Variants in DLG2 observed in about 807,000 individuals in gnomAD.
DLG2 encodes discs large MAGUK scaffold protein 2, also known as disks large homolog 2.
A neutral mutation model predicts 132.5 loss-of-function variants in DLG2; 45 were observed. That is an observed-to-expected ratio of 0.34 (90% CI 0.27 to 0.44). The LOEUF (loss-of-function observed/expected upper bound fraction) is 0.44. Among genes scored for constraint, DLG2 ranks in the 20% least tolerant of loss-of-function variants. The probability of loss-of-function intolerance (pLI) is 1.00; values close to 1 mark genes in which losing one functional copy is unlikely to be tolerated. For missense variants in DLG2, 1,045 were observed against 1,196.9 expected (o/e 0.87, Z 1.87); for synonymous variants, 424 against 419.6 (o/e 1.01, Z -0.13).
At chr11:84,679,541 AG>A (rs2099723458) in intron 6 of DLG2, among the ~76,000 whole-genome samples, 2 of 152,130 alleles carry the variant, frequency 1.3e-5, no homozygotes, top group African/African-American at 2.4e-5. Flanking sequence ...CATGTGAAGG[AG>A]GGTTACTTCA....
chr11:84,271,053 G>A (rs150216092), intron 7 of DLG2, among the ~76,000 whole-genome samples: 1 of 152,156 alleles, frequency 6.6e-6, no homozygotes, highest in African/African-American at 2.4e-5. Flanking sequence ...CATAAAGCAG[G>A]GAATACATAG....
chr11:83,923,346 T>C (rs1198259832), intron 15 of DLG2, among the ~76,000 whole-genome samples: 1 of 152,126 alleles, frequency 6.6e-6, no homozygotes, highest in Non-Finnish European at 1.5e-5. Flanking sequence ...ACAATTATTC[T>C]TCTCACTTTC....
At chr11:84,296,797 T>G (rs1375894308) in intron 7 of DLG2, among the ~76,000 whole-genome samples, 1 of 152,148 alleles carries the variant, frequency 6.6e-6, no homozygotes, top group Non-Finnish European at 1.5e-5. Flanking sequence ...AGCTAAAATA[T>G]TTTTTCAGTA....
chr11:85,030,130 C>T (rs1189486091), intron 6 of DLG2, among the ~76,000 whole-genome samples: 2 of 152,222 alleles, frequency 1.3e-5, no homozygotes, highest in African/African-American at 4.8e-5. Context: ...CTCAATTAAA[C>T]TCCTTTAAAT....
chr11:84,343,297 T>A (rs2098524145), intron 7 of DLG2, among the ~76,000 whole-genome samples: 1 of 152,218 alleles, frequency 6.6e-6, no homozygotes, highest in Non-Finnish European at 1.5e-5. Context: ...TAATTATTTA[T>A]GATTGCTATT....
chr11:83,478,613 A>C (rs957231112), intron 22 of DLG2, among the ~76,000 whole-genome samples: 4 of 152,050 alleles, frequency 2.6e-5, no homozygotes, highest in African/African-American at 9.7e-5. Context: ...GAAACAGAGA[A>C]GAGAAGCCTT....
At chr11:84,175,322 T>G (rs1239855643) in intron 8 of DLG2, among the ~76,000 whole-genome samples, 2 of 152,126 alleles carry the variant, frequency 1.3e-5, no homozygotes, top group Non-Finnish European at 2.9e-5. Context: ...AATTTGTGTT[T>G]CTTTTATGGC....
chr11:85,508,708 C>G (rs1048210380), intron 3 of DLG2, among the ~76,000 whole-genome samples: 1 of 151,990 alleles, frequency 6.6e-6, no homozygotes, highest in Non-Finnish European at 1.5e-5. Context: ...AAAGTGTTAA[C>G]AGTAGAGGGT....
intron 7 of DLG2, among the ~76,000 whole-genome samples, chr11:84,459,136 T>C (rs2099073505): frequency 6.6e-6 from 1 of 150,650 alleles, no homozygotes; most frequent in Admixed American, 6.6e-5. Flanking sequence ...ACATTGTCAA[T>C]TTTATGAACA....
At chr11:84,923,446 G>A in intron 6 of DLG2, 1 of 973,152 alleles carries the variant, frequency 1.0e-6, no homozygotes, top group East Asian at 1.2e-4. Context: ...AGAAGAAGAA[G>A]GAGGGGGGAA....
chr11:83,804,593 C>CACACACACACACACACACAT (rs2045425158), intron 17 of DLG2, among the ~76,000 whole-genome samples: 1 of 151,640 alleles, frequency 6.6e-6, no homozygotes, highest in Non-Finnish European at 1.5e-5. Context: ...CACACACACA[C>CACACACACACACACACACAT]ACACACACAC....
At chr11:83,720,083 A>C (rs2087955750) in intron 18 of DLG2, among the ~76,000 whole-genome samples, 1 of 151,972 alleles carries the variant, frequency 6.6e-6, no homozygotes, top group Non-Finnish European at 1.5e-5. Context: ...ACCTGAGGTC[A>C]GGAGCTCGAG....
chr11:83,502,540 T>C (rs1322336979), intron 21 of DLG2, among the ~76,000 whole-genome samples: 1 of 152,174 alleles, frequency 6.6e-6, no homozygotes, highest in East Asian at 1.9e-4. Flanking sequence ...CACCACTGAA[T>C]ACTTTTGATG....
intron 6 of DLG2, among the ~76,000 whole-genome samples, chr11:84,738,920 T>C (rs1425425908): frequency 2.0e-5 from 3 of 152,144 alleles, no homozygotes; most frequent in Admixed American, 6.5e-5. Context: ...AGAAGTATTG[T>C]TCCAATTGAA....
chr11:83,606,928 A>AAAAAAG (rs1239209795), intron 19 of DLG2, among the ~76,000 whole-genome samples: 8 of 152,232 alleles, frequency 5.3e-5, no homozygotes, highest in African/African-American at 1.4e-4. Context: ...CTCCGTCTCA[A>AAAAAAG]AAAAAGAAAA....
chr11:84,689,895 T>G (rs769553726), intron 6 of DLG2, among the ~76,000 whole-genome samples: 1 of 151,862 alleles, frequency 6.6e-6, no homozygotes. Flanking sequence ...CAAATTTGAA[T>G]AGAGCCATGT....
intron 6 of DLG2, among the ~76,000 whole-genome samples, chr11:84,595,462 T>C (rs1245805846): frequency 6.8e-6 from 1 of 147,674 alleles, no homozygotes; most frequent in Non-Finnish European, 1.5e-5. Flanking sequence ...AGCTACCTCA[T>C]AAAAAGGTAA....
intron 7 of DLG2, among the ~76,000 whole-genome samples, chr11:84,403,587 A>T (rs543140703): frequency 7.2e-5 from 11 of 152,022 alleles, no homozygotes; most frequent in Non-Finnish European, 1.5e-4. Flanking sequence ...TAACCTCCCT[A>T]AAAAAAACAG....
intron 3 of DLG2, among the ~76,000 whole-genome samples, chr11:85,314,090 A>T (rs2080487978): frequency 6.6e-6 from 1 of 152,012 alleles, no homozygotes; most frequent in African/African-American, 2.4e-5. Context: ...TAGTGGACTG[A>T]TGTTATTATA....
Sources: allele counts gnomAD v4.1 joint callset (sites outside exome capture counted in the v4.1 genomes callset), GRCh38; gene constraint gnomAD v4.1.1; transcripts MANE v1.5; gene names NCBI Gene and HGNC (gene_info 2026-07-23, HGNC 2026-07-21).